SLC14A1: variants seen among roughly 807,000 people sequenced by gnomAD.
SLC14A1 encodes the protein urea transporter 1.
A neutral mutation model predicts 39.6 loss-of-function variants in SLC14A1; 36 were observed. The observed-to-expected ratio is 0.91, with a 90% CI of 0.70 to 1.20. SLC14A1 has a LOEUF of 1.20. Ranked by LOEUF, SLC14A1 falls within the 50% of genes most tolerant of loss-of-function variation. The probability of loss-of-function intolerance (pLI) is 0.00; values close to 1 mark genes in which losing one functional copy is unlikely to be tolerated. For missense variants in SLC14A1, 469 were observed against 478.7 expected (o/e 0.98, Z 0.19); for synonymous variants, 164 against 173.6 (o/e 0.94, Z 0.43).
In SLC14A1 at chr18:45,751,613, TA is replaced by T. The variant is rs1196566151; in HGVS notation, c.*1668del. On this transcript the variant is annotated 3_prime_UTR_variant, in exon 10 of 10. Transcript: ENST00000321925. ...GGCAACATAGCAAGACTCCATCTCT[TA>T]AAAAATAAAAATAGTAACATTAGCC... The T allele has an allele frequency of 4.6e-6, 3 of 648,320 alleles. No homozygotes were observed. The highest frequency in any genetic ancestry group is 5.7e-6 in the Non-Finnish European group (3 of 523,486). The allele number at this position is 648,320 out of a possible 1,614,324, so 40.2% of individuals were successfully genotyped here.
At chr18:45,727,137 C>T in intron 2 of SLC14A1, 1 of 867,614 alleles carries the variant, frequency 1.2e-6, no homozygotes, top group Non-Finnish European at 1.8e-6. Context: ...GGGGCCACAT[C>T]TTCCCTCACC....
intron 6 of SLC14A1, among the ~76,000 whole-genome samples, chr18:45,738,457 C>A (rs1229527591): frequency 6.6e-6 from 1 of 152,198 alleles, no homozygotes; most frequent in Admixed American, 6.5e-5. Context: ...AACAGAATAA[C>A]TAAATTCAGG....
chr18:45,752,221 A>T lies in SLC14A1; in HGVS notation c.*2270A>T. On this transcript the variant is annotated 3_prime_UTR_variant, in exon 10 of 10. Coordinates refer to ENST00000321925, the MANE Select transcript of SLC14A1 (RefSeq NM_015865.7). ...ATTGTGGGGAAAAAAAAGCAAGCAT[A>T]ACCAAAGATCATCAGCAGTGAAGAA... 1.0e-6 allele frequency: 1 copy of T among 985,410 alleles called. No homozygotes were observed. Among genetic ancestry groups the T allele is most frequent in the Non-Finnish European group, 1.2e-6 (1 of 829,922 alleles). 61.0% of individuals were successfully genotyped at this position (985,410 alleles called of 1,614,324 possible).
chr18:45,736,739 A>T (rs2047208960), intron 6 of SLC14A1, 91 bp downstream of exon 6: 1 of 1,114,314 alleles, frequency 9.0e-7, no homozygotes, highest in African/African-American at 1.5e-5. Context: ...AGAGTCTCCT[A>T]GATGCTCAGG....
chr18:45,730,393 T>C lies in SLC14A1; in HGVS notation c.73T>C (p.Cys25Arg), dbSNP rs1251938277. 6.2e-7 allele frequency: 1 copy of C among 1,614,056 alleles called. No individual in the cohort carries two copies. Among genetic ancestry groups the C allele is most frequent in the African/African-American group, 1.3e-5 (1 of 74,932 alleles). ...MVRGENQVSP[C>R]QGRRCFPKAL... ...TAGGGGTGAAAACCAGGTTTCGCCA[T>C]GTCAAGGGAGAAGGTGCTTCCCCAA... The change falls in exon 3 of 10, where the codon TGT becomes CGT. Residue 25 changes from cysteine (C) to arginine (R), a missense_variant. Coordinates refer to ENST00000321925, the MANE Select transcript of SLC14A1 (RefSeq NM_015865.7).
rs751692991 is a variant in SLC14A1, at chr18:45,736,492, CA to C, written c.510del (p.Lys170AsnfsTer37). On this transcript the variant is annotated frameshift_variant, in exon 6 of 10. Coordinates refer to ENST00000321925, the MANE Select transcript of SLC14A1 (RefSeq NM_015865.7). LOFTEE classifies it high-confidence loss of function. ...CAAGTGCATTGAATTCCATGCTCAGCAAATGGGACCTCCCCGTCTTCACCCT... is the reference window on the plus strand; with the variant it reads ...CAAGTGCATTGAATTCCATGCTCAGCAATGGGACCTCCCCGTCTTCACCCT... ...FSSALNSMLS[K>X]WDLPVFTLPF... 24 of 1,614,072 alleles carry C rather than the reference CA, an allele frequency of 1.5e-5. No homozygotes were observed. The South Asian group carries it at 2.5e-4, about 17-fold the overall frequency.
At chr18:45,728,822 T>C (rs1264189859) in intron 2 of SLC14A1, among the ~76,000 whole-genome samples, 1 of 152,244 alleles carries the variant, frequency 6.6e-6, no homozygotes, top group African/African-American at 2.4e-5. Context: ...ATGCATTGTA[T>C]AAAAAGCTGC....
Position 45,750,219 on chromosome 18 carries a change from G to A in SLC14A1, c.*268G>A. 7.3e-7 allele frequency: 1 copy of A among 1,375,402 alleles called. No individual in the cohort carries two copies. The highest frequency in any genetic ancestry group is 2.9e-5 in the East Asian group (1 of 34,722). 85.2% of individuals were successfully genotyped at this position (1,375,402 alleles called of 1,614,324 possible). ...GCACTAAGACTGGAATGTATATAAAGTCAAAGTGCTCCAACAGAAGGAGGA... is the reference window on the plus strand; with the variant it reads ...GCACTAAGACTGGAATGTATATAAAATCAAAGTGCTCCAACAGAAGGAGGA... On this transcript the variant is annotated 3_prime_UTR_variant, in exon 10 of 10. Transcript: ENST00000321925.
intron 7 of SLC14A1, 94 bp downstream of exon 7, chr18:45,739,404 T>C (rs1229063944): frequency 1.2e-5 from 20 of 1,608,628 alleles, no homozygotes; most frequent in Non-Finnish European, 1.4e-5. Context: ...CCTTGAGATC[T>C]TGGCTTCCTA....
chr18:45,730,616 A>G, intron 3 of SLC14A1, 145 bp downstream of exon 3: 1 of 938,620 alleles, frequency 1.1e-6, no homozygotes, highest in Non-Finnish European at 1.6e-6. Flanking sequence ...TTATCTTTTA[A>G]CCTGCAAACC....
intron 4 of SLC14A1, among the ~76,000 whole-genome samples, chr18:45,732,859 C>T (rs982505170): frequency 6.6e-6 from 1 of 152,150 alleles, no homozygotes; most frequent in Non-Finnish European, 1.5e-5. Context: ...TCTAGGTGCC[C>T]ATCAATGGTG....
At chr18:45,746,522 A>G (rs1210507619) in intron 8 of SLC14A1, among the ~76,000 whole-genome samples, 1 of 152,210 alleles carries the variant, frequency 6.6e-6, no homozygotes, top group Non-Finnish European at 1.5e-5. Context: ...TTAAAAAGAG[A>G]GAAAGCAACA....
chr18:45,729,409 G>A (rs760951034), intron 2 of SLC14A1: 8 of 152,118 alleles, frequency 5.3e-5, no homozygotes, highest in Non-Finnish European at 2.9e-5. Flanking sequence ...GGTGATATTG[G>A]TGCTTTCTTG....
Position 45,739,472 on chromosome 18 carries a change from T to C in SLC14A1, c.812-56T>C, listed in dbSNP as rs888162697. On this transcript the variant is annotated intron_variant, in intron 7 of 9. Transcript: ENST00000321925. The stretch of plus-strand genomic sequence containing the variant: ...CTAACTTTCAATCCCACCCTCAGTT[T>C]CCTTCCAGAACATCCTGCCTTTAGT... 1.9e-6 allele frequency: 3 copies of C among 1,612,880 alleles called. No individual in the cohort carries two copies. The African/African-American group carries it at 4.0e-5, about 22-fold the overall frequency.
At chr18:45,727,193 C>A in intron 2 of SLC14A1, 1 of 1,470,164 alleles carries the variant, frequency 6.8e-7, no homozygotes, top group Non-Finnish European at 9.3e-7. Flanking sequence ...TTGCCTTTTG[C>A]GTGGTCATTA....
In SLC14A1 at chr18:45,736,579, T is replaced by G. The variant is rs768245037; in HGVS notation, c.594T>G (p.Phe198Leu). Residue 198 changes from phenylalanine (F) to leucine (L), a missense_variant, in exon 6 of 10, where the codon TTT becomes TTG. Physicochemically the swap from Phe to Leu is conservative, Grantham distance 22. Transcript: ENST00000321925. ...LSATGHYNPFFPAKLVIPITT... is the reference protein window; with the variant it reads ...LSATGHYNPFLPAKLVIPITT... ...CCACAGGACATTACAATCCATTCTT[T>G]CCAGCCAAACTGGTCATACCTATAA... 3 of 1,614,204 alleles carry G rather than the reference T, an allele frequency of 1.9e-6. No homozygotes were observed. Among genetic ancestry groups the G allele is most frequent in the Non-Finnish European group, 1.7e-6 (2 of 1,180,018 alleles).
At chr18:45,739,044 G>A (rs2047278870) in intron 6 of SLC14A1, 119 bp from the exon 7 acceptor site, 2 of 1,062,858 alleles carry the variant, frequency 1.9e-6, no homozygotes, top group Non-Finnish European at 2.9e-6. Flanking sequence ...TATTAACACT[G>A]TTCTTGAAAG....
intron 2 of SLC14A1, 54 bp from the exon 3 acceptor site, chr18:45,730,246 T>G: frequency 6.4e-7 from 1 of 1,554,178 alleles, no homozygotes; most frequent in Non-Finnish European, 8.7e-7. Flanking sequence ...CAAAGCTGGC[T>G]AATCTGGAGG....
At chr18:45,736,139 T>C (rs530020847) in intron 5 of SLC14A1, among the ~76,000 whole-genome samples, 48 of 152,298 alleles carry the variant, frequency 3.2e-4, no homozygotes, top group Middle Eastern at 3.4e-3. Flanking sequence ...ACTTTAACTA[T>C]GTAGATAATA....
Sources: gnomAD v4.1 joint callset for allele counts (sites outside exome capture counted in the v4.1 genomes callset) on GRCh38, gnomAD v4.1.1 for gene constraint, MANE v1.5 for transcripts, NCBI Gene and HGNC (gene_info 2026-07-23, HGNC 2026-07-21) for gene names.